The following ZSCAN5A variants were observed in gnomAD, a reference collection of about 807,000 sequenced individuals.
ZSCAN5A encodes the protein zinc finger and SCAN domain-containing protein 5A.
A neutral mutation model predicts 23.7 loss-of-function variants in ZSCAN5A; 12 were observed. The observed-to-expected ratio is 0.51, with a 90% CI of 0.32 to 0.82. The LOEUF (loss-of-function observed/expected upper bound fraction) is 0.82, where lower values mean the gene tolerates loss of function less well. Ranked by LOEUF, ZSCAN5A falls within the 40% of genes least tolerant of loss-of-function variation. ZSCAN5A has a pLI of 0.03. For missense variants in ZSCAN5A, 597 were observed against 617.9 expected (o/e 0.97, Z 0.36); for synonymous variants, 257 against 239.9 (o/e 1.07, Z -0.66).
chr19:56,246,849 G>C (rs746301388), intron 2 of ZSCAN5A: 1 of 1,611,570 alleles, frequency 6.2e-7, no homozygotes, highest in Non-Finnish European at 8.5e-7. Context: ...CTCACAGCGG[G>C]AGCAGAGGAG....
At chr19:56,269,772 G>A (rs2037718758) in intron 2 of ZSCAN5A, among the ~76,000 whole-genome samples, 1 of 152,170 alleles carries the variant, frequency 6.6e-6, no homozygotes, top group Admixed American at 6.6e-5. Flanking sequence ...CAGGAATGTG[G>A]GCAGCCTGTA....
chr19:56,249,903 G>C (rs1568647579), intron 2 of ZSCAN5A, among the ~76,000 whole-genome samples: 1 of 152,138 alleles, frequency 6.6e-6, no homozygotes, highest in East Asian at 1.9e-4. Context: ...TGATGCTGCT[G>C]GTCTTGGGAG....
intron 2 of ZSCAN5A, among the ~76,000 whole-genome samples, chr19:56,311,253 C>T (rs2041017993): frequency 6.6e-6 from 1 of 152,040 alleles, no homozygotes; most frequent in Non-Finnish European, 1.5e-5. Context: ...TTGCTCATTC[C>T]AACTTGACAT....
Position 56,248,781 on chromosome 19 carries a change from A to G in ZSCAN5A, c.-127-23608T>C, listed in dbSNP as rs144332670. ...AGGTTCACAGGGAAATTCAGTGGAC[A>G]GCACAGAGTTCCCCTAGACTCCCTC... On this transcript the variant is annotated intron_variant, in intron 2 of 5. Transcript: ENST00000683990. 9.0e-3 allele frequency among the ~76,000 whole-genome samples: 1,369 copies of G among 152,092 alleles called. 11 individuals are homozygous for G. Among genetic ancestry groups the G allele is most frequent in the Middle Eastern group, 0.041 (12 of 294 alleles).
At chr19:56,313,055 C>G (rs1052722576) in intron 2 of ZSCAN5A, among the ~76,000 whole-genome samples, 3 of 152,220 alleles carry the variant, frequency 2.0e-5, no homozygotes, top group African/African-American at 7.2e-5. Flanking sequence ...GTTGATATGG[C>G]TGTGTTTGCA....
rs2041568433 is a variant in ZSCAN5A, at chr19:56,339,186, T to G, written c.-357-22918A>C. On this transcript the variant is annotated intron_variant, in intron 2 of 6. Coordinates refer to the ZSCAN5A transcript ENST00000587340. ...GTGTCTGTGGCAACTATTCAAGTCT[T>G]CTCTTGCAGATTGAAAGCCACTGTA... Among the ~76,000 whole-genome samples, 4 of 152,294 alleles carry G rather than the reference T, an allele frequency of 2.6e-5. No individual in the cohort carries two copies. The South Asian group carries it at 8.3e-4, about 31-fold the overall frequency.
At chr19:56,262,596 A>AT (rs536012093) in intron 2 of ZSCAN5A, among the ~76,000 whole-genome samples, 40 of 151,462 alleles carry the variant, frequency 2.6e-4, no homozygotes, top group African/African-American at 9.2e-4. Flanking sequence ...TGCCCGGCTA[A>AT]TTTTTTTGTG....
intron 2 of ZSCAN5A, chr19:56,284,963 C>T (rs190502115): frequency 5.8e-5 from 57 of 976,972 alleles, no homozygotes; most frequent in Non-Finnish European, 6.3e-5. Context: ...CTTTCTGCTG[C>T]ATTTGCACAT....
intron 2 of ZSCAN5A, chr19:56,244,016 G>A: frequency 1.3e-6 from 1 of 781,140 alleles, no homozygotes; most frequent in Non-Finnish European, 2.1e-6. Context: ...CTTTCTCAGA[G>A]ACTGACTGAA....
intron 2 of ZSCAN5A, chr19:56,266,186 A>G (rs929500185): frequency 2.0e-5 from 3 of 152,234 alleles, no homozygotes; most frequent in African/African-American, 7.2e-5. Context: ...CGTCTGGCAC[A>G]TCATAATCAC....
At chr19:56,298,687 A>G (rs1482397701) in intron 2 of ZSCAN5A, among the ~76,000 whole-genome samples, 1 of 152,002 alleles carries the variant, frequency 6.6e-6, no homozygotes. Context: ...TCCTCTATCT[A>G]TTAAAGAAAT....
chr19:56,281,261 G>T (rs1028547339), intron 2 of ZSCAN5A, among the ~76,000 whole-genome samples: 3 of 152,110 alleles, frequency 2.0e-5, no homozygotes, highest in Non-Finnish European at 4.4e-5. Flanking sequence ...TGGTCTTTCT[G>T]TCTCAGGGGT....
chr19:56,259,341 G>A (rs2036954648), intron 2 of ZSCAN5A, among the ~76,000 whole-genome samples: 1 of 152,122 alleles, frequency 6.6e-6, no homozygotes, highest in African/African-American at 2.4e-5. Flanking sequence ...TGGGATTACA[G>A]ATGTGAGCTA....
chr19:56,343,090 G>A (rs2041607087), intron 2 of ZSCAN5A: 3 of 778,700 alleles, frequency 3.9e-6, no homozygotes, highest in East Asian at 2.5e-5. Context: ...GCAGAGGGCG[G>A]CCTTCGGGTC....
chr19:56,264,721 G>A (rs1455449406), intron 2 of ZSCAN5A, among the ~76,000 whole-genome samples: 1 of 152,156 alleles, frequency 6.6e-6, no homozygotes, highest in East Asian at 1.9e-4. Flanking sequence ...GAGTAATTGC[G>A]ACAGGGACCA....
At chr19:56,325,838 T>C (rs1419266310) in intron 2 of ZSCAN5A, among the ~76,000 whole-genome samples, 2 of 152,062 alleles carry the variant, frequency 1.3e-5, no homozygotes, top group Non-Finnish European at 2.9e-5. Context: ...AAGAAGACAA[T>C]ATATATTGAG....
At chr19:56,257,739 C>T (rs1190268083) in intron 2 of ZSCAN5A, among the ~76,000 whole-genome samples, 2 of 143,420 alleles carry the variant, frequency 1.4e-5, no homozygotes, top group Non-Finnish European at 3.0e-5. Context: ...GCTCCTGCCT[C>T]CTACCACTGC....
chr19:56,276,978 C>A (rs938574524), intron 2 of ZSCAN5A, among the ~76,000 whole-genome samples: 1 of 152,026 alleles, frequency 6.6e-6, no homozygotes, highest in African/African-American at 2.4e-5. Context: ...CAAATAAGCA[C>A]ATAAAAAGAT....
At chr19:56,263,853 G>A (rs1473601506) in intron 2 of ZSCAN5A, among the ~76,000 whole-genome samples, 1 of 151,906 alleles carries the variant, frequency 6.6e-6, no homozygotes, top group Non-Finnish European at 1.5e-5. Context: ...ATGCTTCTAT[G>A]AGCCATATAA....
Sources: gnomAD v4.1 joint callset for allele counts (sites outside exome capture counted in the v4.1 genomes callset) on GRCh38, gnomAD v4.1.1 for gene constraint, MANE v1.5 for transcripts, NCBI Gene and HGNC (gene_info 2026-07-23, HGNC 2026-07-21) for gene names.